CHL1: variants seen among roughly 807,000 people sequenced by gnomAD.
CHL1 encodes the protein neural cell adhesion molecule L1-like protein.
In CHL1, 96 loss-of-function variants were observed where a neutral mutation model predicts 141.9. The observed-to-expected ratio is 0.68, with a 90% CI of 0.57 to 0.80. The LOEUF (loss-of-function observed/expected upper bound fraction) is 0.80. Ranked by LOEUF, CHL1 falls within the 30% of genes least tolerant of loss-of-function variation. The probability of loss-of-function intolerance (pLI) is 0.00; values close to 1 mark genes in which losing one functional copy is unlikely to be tolerated. For missense variants in CHL1, 1,820 were observed against 1,457.2 expected, an observed-to-expected ratio of 1.25 and a Z score of -4.05; for synonymous variants, 613 against 502.2, an observed-to-expected ratio of 1.22 and a Z score of -2.95.
At chr3:258,443 G>A (rs1426315109) in intron 2 of CHL1, among the ~76,000 whole-genome samples, 1 of 152,130 alleles carries the variant, frequency 6.6e-6, no homozygotes, top group Non-Finnish European at 1.5e-5. Flanking sequence ...ATGTTTGTAG[G>A]AGCCTCAAAT....
chr3:337,118 G>T (rs1348571557), intron 5 of CHL1, among the ~76,000 whole-genome samples: 1 of 151,906 alleles, frequency 6.6e-6, no homozygotes, highest in African/African-American at 2.4e-5. Context: ...ATTAATAGTG[G>T]CATTAGATAG....
intron 2 of CHL1, among the ~76,000 whole-genome samples, chr3:258,159 C>G (rs541973552): frequency 2.0e-4 from 30 of 152,326 alleles, no homozygotes; most frequent in African/African-American, 7.0e-4. Context: ...CTTGCTCCCC[C>G]ATGGCTGTCT....
chr3:325,880 G>T (rs910708622), intron 3 of CHL1, 79 bp from the exon 4 acceptor site: 31 of 873,996 alleles, frequency 3.5e-5, no homozygotes, highest in Middle Eastern at 2.9e-4. Context: ...TACAAAAGAG[G>T]TTTAAAGTGT....
chr3:300,974 G>A (rs913938617), intron 2 of CHL1, among the ~76,000 whole-genome samples: 8 of 152,168 alleles, frequency 5.3e-5, no homozygotes, highest in Non-Finnish European at 1.2e-4. Context: ...TGAAGCTCAG[G>A]AGGGGGAAGA....
chr3:369,941 A>G (rs925651593), intron 15 of CHL1, among the ~76,000 whole-genome samples: 1 of 152,212 alleles, frequency 6.6e-6, no homozygotes, highest in Non-Finnish European at 1.5e-5. Context: ...AATCCCAGAG[A>G]TGAAGCTGAC....
intron 2 of CHL1, among the ~76,000 whole-genome samples, chr3:288,205 A>G (rs960633255): frequency 6.6e-6 from 1 of 152,232 alleles, no homozygotes; most frequent in Non-Finnish European, 1.5e-5. Flanking sequence ...ATTTTTCACC[A>G]GAAAGTTGGT....
intron 2 of CHL1, among the ~76,000 whole-genome samples, chr3:270,456 C>G (rs570448762): frequency 6.6e-6 from 1 of 152,206 alleles, no homozygotes; most frequent in South Asian, 2.1e-4. Flanking sequence ...GTTTTTACCA[C>G]CTGGACCTGG....
At chr3:301,731 T>G (rs4582037) in intron 2 of CHL1, among the ~76,000 whole-genome samples, 52,739 of 152,050 alleles carry the variant, frequency 0.35, 9,519 homozygotes, top group Middle Eastern at 0.46. Context: ...CTTGTAGTCT[T>G]TTTCCGGAAA....
In CHL1 at chr3:325,927, G is replaced by C. The variant is rs376660482; in HGVS notation, c.92-32G>C. The stretch of plus-strand genomic sequence containing the variant: ...ATTAACCTTGCCTGCTGTTTGAATA[G>C]TGTGTTTTTAAGTACATATTTTAAT... On this transcript the variant is annotated intron_variant, in intron 3 of 27. Transcript: ENST00000256509. 20 of 1,447,084 alleles carry C rather than the reference G, an allele frequency of 1.4e-5. No homozygotes were observed. In the African/African-American group the frequency reaches 1.7e-4, roughly 12 times the overall value. The allele number at this position is 1,447,084 out of a possible 1,614,324, so 89.6% of individuals were successfully genotyped here.
intron 2 of CHL1, among the ~76,000 whole-genome samples, chr3:304,826 T>C (rs1468098441): frequency 6.6e-6 from 1 of 152,192 alleles, no homozygotes; most frequent in Non-Finnish European, 1.5e-5. Flanking sequence ...CTTTTAATTG[T>C]GATGTTAGGG....
intron 2 of CHL1, among the ~76,000 whole-genome samples, chr3:252,091 C>A (rs1693738001): frequency 6.6e-6 from 1 of 151,800 alleles, no homozygotes; most frequent in African/African-American, 2.4e-5. Context: ...TTACTTGTTT[C>A]TTATAAAATA....
chr3:252,359 C>CAGAT (rs1553596074), intron 2 of CHL1, among the ~76,000 whole-genome samples: 18 of 26,786 alleles, frequency 6.7e-4, no homozygotes, highest in Middle Eastern at 0.019. Context: ...AGAAAGCATC[C>CAGAT]AGATATATAT....
At chr3:365,813 A>G (rs1014040475) in intron 14 of CHL1, 137 bp from the exon 15 acceptor site, 43 of 605,636 alleles carry the variant, frequency 7.1e-5, no homozygotes, top group African/African-American at 6.6e-4. Flanking sequence ...ATACAATGTT[A>G]GGAAATTACA....
chr3:215,307 G>A (rs1441544583), intron 1 of CHL1, among the ~76,000 whole-genome samples: 2 of 152,152 alleles, frequency 1.3e-5, no homozygotes, highest in African/African-American at 4.8e-5. Context: ...AAATAAGCAA[G>A]GCACAGAAAG....
At chr3:232,319 C>T (rs1052607447) in intron 1 of CHL1, among the ~76,000 whole-genome samples, 14 of 152,112 alleles carry the variant, frequency 9.2e-5, no homozygotes, top group African/African-American at 3.4e-4. Context: ...ATTTTTATTT[C>T]ATTTTCATTA....
At chr3:262,915 C>T (rs1298819445) in intron 2 of CHL1, among the ~76,000 whole-genome samples, 3 of 152,192 alleles carry the variant, frequency 2.0e-5, no homozygotes, top group Non-Finnish European at 4.4e-5. Flanking sequence ...GAGTTTCCTT[C>T]CTCCCATTCA....
At chr3:322,669 T>TATAA (rs1423039311) in intron 3 of CHL1, among the ~76,000 whole-genome samples, 2 of 132,208 alleles carry the variant, frequency 1.5e-5, no homozygotes, top group Admixed American at 7.6e-5. Flanking sequence ...TATATATATA[T>TATAA]AATTATATAT....
At chr3:287,931 A>T (rs1574966518) in intron 2 of CHL1, among the ~76,000 whole-genome samples, 1 of 85,752 alleles carries the variant, frequency 1.2e-5, no homozygotes, top group African/African-American at 4.4e-5. Flanking sequence ...ACGCCAGGCT[A>T]AGTTTTTTGT....
rs5845965 is a variant in CHL1 at position 350,609 on chromosome 3, G to GAA, written c.1033+1075_1033+1076dup. On this transcript the variant is annotated intron_variant, in intron 10 of 27. Coordinates refer to ENST00000256509, the MANE Select transcript of CHL1 (RefSeq NM_006614.4). ...TAATGGCCTGTTGTTTAAATTAATG[G>GAA]AAAAAAAAAAGGACTCAGACACAAA... Among the ~76,000 whole-genome samples the GAA allele has an allele frequency of 3.2e-3, 476 of 148,196 alleles. 5 individuals carry two copies. The highest frequency in any genetic ancestry group is 9.2e-3 in the African/African-American group (373 of 40,664).
Sources: allele counts gnomAD v4.1 joint callset (sites outside exome capture counted in the v4.1 genomes callset), GRCh38; gene constraint gnomAD v4.1.1; transcripts MANE v1.5; gene names NCBI Gene and HGNC (gene_info 2026-07-23, HGNC 2026-07-21).